PRR33: variants seen among roughly 807,000 people sequenced by gnomAD.
PRR33 encodes the protein proline rich 33.
A neutral mutation model predicts 0.5 loss-of-function variants in PRR33; 1 was observed. That is an observed-to-expected ratio of 2.18 (90% CI 0.77 to 10.34). The LOEUF (loss-of-function observed/expected upper bound fraction) is 10.34, where lower values mean the gene tolerates loss of function less well. PRR33 is among the 30% of genes most tolerant of loss of function. The probability of loss-of-function intolerance (pLI) is 0.13; values close to 1 mark genes in which losing one functional copy is unlikely to be tolerated. For synonymous variants in PRR33, 226 were observed against 110.0 expected, an observed-to-expected ratio of 2.06 and a Z score of -6.60; for missense variants, 552 against 251.8, an observed-to-expected ratio of 2.19 and a Z score of -8.07.
chr11:1,901,175 T>G, the PRR33 span, among the ~76,000 whole-genome samples: 1 of 152,064 alleles, frequency 6.6e-6, no homozygotes, highest in Non-Finnish European at 1.5e-5. Context: ...AGTCGGGCGT[T>G]GTGGCAGATG....
the PRR33 span, chr11:1,889,663 G>A: frequency 7.9e-6 from 5 of 632,422 alleles, no homozygotes; most frequent in Non-Finnish European, 1.4e-5. Flanking sequence ...CTGGACACTC[G>A]CTCGGCCTCA....
chr11:1,911,505 C>A, the PRR33 span, among the ~76,000 whole-genome samples: 12 of 152,058 alleles, frequency 7.9e-5, no homozygotes, highest in Admixed American at 7.9e-4. Flanking sequence ...GTAGCCTCTG[C>A]CTCCCGGGTT....
upstream of PRR33, among the ~76,000 whole-genome samples, chr11:1,895,254 TCC>T: frequency 6.6e-6 from 1 of 152,104 alleles, no homozygotes; most frequent in Non-Finnish European, 1.5e-5. Context: ...TGCCTCAGCC[TCC>T]CAGGTAGCTG....
At chr11:1,892,970 G>A (rs1319806253), upstream of PRR33, among the ~76,000 whole-genome samples, 3 of 150,660 alleles carry the variant, frequency 2.0e-5, no homozygotes, top group African/African-American at 7.3e-5. Context: ...GGGATATGTG[G>A]ATGAGTGAAT....
the PRR33 span, among the ~76,000 whole-genome samples, chr11:1,914,433 GTGTC>G: frequency 3.3e-5 from 5 of 151,318 alleles, no homozygotes; most frequent in South Asian, 2.1e-4. Flanking sequence ...CTCTGTGTGT[GTGTC>G]TGTGTGTGTG....
chr11:1,904,543 A>G, the PRR33 span, among the ~76,000 whole-genome samples: 1 of 151,484 alleles, frequency 6.6e-6, no homozygotes, highest in Middle Eastern at 3.4e-3. Flanking sequence ...AAGAAAAAAA[A>G]AAGAAGAAAT....
the PRR33 span, among the ~76,000 whole-genome samples, chr11:1,913,411 C>T: frequency 6.6e-6 from 1 of 151,344 alleles, no homozygotes; most frequent in Admixed American, 6.6e-5. Context: ...CTCCCAAAGT[C>T]CTGGGATTAC....
chr11:1,911,705 G>T, the PRR33 span, among the ~76,000 whole-genome samples: 1 of 151,902 alleles, frequency 6.6e-6, no homozygotes, highest in Non-Finnish European at 1.5e-5. Flanking sequence ...ACAGGCGTGA[G>T]TCACTGCGCC....
chr11:1,911,469 A>C, the PRR33 span, among the ~76,000 whole-genome samples: 106 of 152,146 alleles, frequency 7.0e-4, no homozygotes, highest in Non-Finnish European at 1.4e-3. Flanking sequence ...AATATAAATT[A>C]ATAAGTGGCA....
the PRR33 span, chr11:1,907,922 A>G: frequency 1.3e-5 from 2 of 152,106 alleles, no homozygotes. Context: ...CATACACAAC[A>G]TTGCGGGATA....
At chr11:1,907,177 C>T in the PRR33 span, among the ~76,000 whole-genome samples, 1 of 152,170 alleles carries the variant, frequency 6.6e-6, no homozygotes, top group South Asian at 2.1e-4. Flanking sequence ...TTCTGTGTTG[C>T]TGTTTGGTTG....
the PRR33 span, among the ~76,000 whole-genome samples, chr11:1,911,258 G>A: frequency 3.3e-5 from 5 of 152,016 alleles, no homozygotes; most frequent in Admixed American, 2.6e-4. Flanking sequence ...CCTGGCTAAT[G>A]TGGTGAAACC....
At chr11:1,902,387 C>T in the PRR33 span, among the ~76,000 whole-genome samples, 60 of 152,086 alleles carry the variant, frequency 3.9e-4, no homozygotes, top group African/African-American at 1.4e-3. Flanking sequence ...CTGGGCTCAG[C>T]GTGGGTGGAT....
chr11:1,889,696 G>A (rs1295244499), exon 1 of PRR33: 7 of 640,160 alleles, frequency 1.1e-5, no homozygotes, highest in South Asian at 3.6e-5. Context: ...GCCATCGGGG[G>A]CTCCTCCAGG....
chr11:1,900,514 T>C, the PRR33 span, among the ~76,000 whole-genome samples: 1 of 152,212 alleles, frequency 6.6e-6, no homozygotes, highest in Non-Finnish European at 1.5e-5. Flanking sequence ...CAGGGTCCTT[T>C]CTCTCCTTTC....
At chr11:1,906,325 T>C in the PRR33 span, among the ~76,000 whole-genome samples, 2 of 152,240 alleles carry the variant, frequency 1.3e-5, no homozygotes, top group African/African-American at 4.8e-5. Context: ...GCTTTTTCGC[T>C]GTAACTCTTT....
the PRR33 span, among the ~76,000 whole-genome samples, chr11:1,904,107 C>T: frequency 2.0e-5 from 3 of 152,212 alleles, no homozygotes; most frequent in East Asian, 5.8e-4. Context: ...GAGAACTTCC[C>T]ACGATCCCCA....
chr11:1,911,499 C>A, the PRR33 span, among the ~76,000 whole-genome samples: 1 of 152,038 alleles, frequency 6.6e-6, no homozygotes, highest in African/African-American at 2.4e-5. Flanking sequence ...CTCACTGTAG[C>A]CTCTGCCTCC....
At chr11:1,894,529 C>T (rs1565094586), upstream of PRR33, among the ~76,000 whole-genome samples, 1 of 152,122 alleles carries the variant, frequency 6.6e-6, no homozygotes, top group South Asian at 2.1e-4. Flanking sequence ...GAGCCCTGCA[C>T]CCAAGGGTTT....
Sources: gnomAD v4.1 joint callset for allele counts (sites outside exome capture counted in the v4.1 genomes callset) on GRCh38, gnomAD v4.1.1 for gene constraint, MANE v1.5 for transcripts, NCBI Gene and HGNC (gene_info 2026-07-23, HGNC 2026-07-21) for gene names.